The following KIAA1217 variants were observed in gnomAD, a reference collection of about 807,000 sequenced individuals.
The protein encoded by KIAA1217 is KIAA1217, also known as sickle tail protein homolog.
KIAA1217 carries 88 observed loss-of-function variants against 163.9 expected under a neutral mutation model. The observed-to-expected ratio is 0.54, with a 90% CI of 0.45 to 0.64. KIAA1217 has a LOEUF of 0.64. Ranked by LOEUF, KIAA1217 falls within the 30% of genes least tolerant of loss-of-function variation. KIAA1217 has a pLI of 0.00. For missense variants in KIAA1217, 2,372 were observed against 2,475.0 expected (o/e 0.96, Z 0.88); for synonymous variants, 903 against 923.1 (o/e 0.98, Z 0.39).
At chr10:24,526,101 G>A (rs2072112931) in intron 13 of KIAA1217, among the ~76,000 whole-genome samples, 1 of 151,940 alleles carries the variant, frequency 6.6e-6, no homozygotes, top group Admixed American at 6.6e-5. Flanking sequence ...TTTTCTTCTT[G>A]CCTCGTAACT....
chr10:24,409,557 C>G (rs1185596115), intron 3 of KIAA1217, among the ~76,000 whole-genome samples: 1 of 152,170 alleles, frequency 6.6e-6, no homozygotes, highest in Non-Finnish European at 1.5e-5. Flanking sequence ...TATATCAAAA[C>G]TTACCAAATT....
intron 1 of KIAA1217, among the ~76,000 whole-genome samples, chr10:23,981,351 T>G (rs1845758412): frequency 6.6e-6 from 1 of 152,204 alleles, no homozygotes; most frequent in Non-Finnish European, 1.5e-5. Context: ...AACCACAATT[T>G]TACCTTTAGA....
intron 10 of KIAA1217, among the ~76,000 whole-genome samples, chr10:24,514,645 C>G (rs2069749827): frequency 6.6e-6 from 1 of 152,136 alleles, no homozygotes; most frequent in Non-Finnish European, 1.5e-5. Context: ...TTTGTGACAG[C>G]CCAATTATCT....
At chr10:23,833,405 C>T (rs1356227322) in intron 1 of KIAA1217, among the ~76,000 whole-genome samples, 1 of 151,708 alleles carries the variant, frequency 6.6e-6, no homozygotes, top group African/African-American at 2.4e-5. Flanking sequence ...ATTGCTTGAA[C>T]CCAGGAGATG....
At chr10:24,245,837 T>C (rs1047962926) in intron 2 of KIAA1217, among the ~76,000 whole-genome samples, 4 of 151,900 alleles carry the variant, frequency 2.6e-5, no homozygotes, top group Non-Finnish European at 5.9e-5. Flanking sequence ...AGGGTCTCAC[T>C]TTGTTACTTA....
In KIAA1217 at chr10:24,212,958, T is replaced by A. The variant is rs1472767667; in HGVS notation, c.70+3695T>A. On this transcript the variant is annotated intron_variant, in intron 1 of 20. Transcript: ENST00000376454. The stretch of plus-strand genomic sequence containing the variant: ...TTTGAGTTTATTATCCTGCTATAGA[T>A]AAGGATCCCTAGGGTGATCATGTAA... Among the ~76,000 whole-genome samples the A allele has an allele frequency of 2.0e-5, 3 of 152,152 alleles. No homozygotes were observed. The East Asian group carries it at 5.8e-4, about 29-fold the overall frequency.
chr10:24,450,129 T>A (rs76969263), intron 5 of KIAA1217, among the ~76,000 whole-genome samples: 12,838 of 152,240 alleles, frequency 0.084, 681 homozygotes, highest in East Asian at 0.17. Context: ...TTTCATGAAG[T>A]TGTTGACATA....
At chr10:24,488,141 T>C (rs2065641082) in intron 6 of KIAA1217, among the ~76,000 whole-genome samples, 1 of 152,166 alleles carries the variant, frequency 6.6e-6, no homozygotes, top group African/African-American at 2.4e-5. Context: ...TCTTGGAGTT[T>C]CAGATCTAGA....
intron 2 of KIAA1217, among the ~76,000 whole-genome samples, chr10:24,141,225 A>AACCCCCCCCC (rs796365302): frequency 3.9e-5 from 3 of 76,258 alleles, no homozygotes; most frequent in Non-Finnish European, 5.3e-5. Context: ...GAAAGAATAA[A>AACCCCCCCCC]CCCCCCCCCC....
chr10:24,312,022 T>C (rs946428803), intron 2 of KIAA1217, among the ~76,000 whole-genome samples: 5 of 152,018 alleles, frequency 3.3e-5, no homozygotes, highest in African/African-American at 1.2e-4. Flanking sequence ...CCTGTGCTGG[T>C]GTTAGATTCT....
At chr10:23,830,799 G>A (rs186808944) in intron 1 of KIAA1217, among the ~76,000 whole-genome samples, 114 of 147,210 alleles carry the variant, frequency 7.7e-4, no homozygotes, top group Non-Finnish European at 9.5e-4. Context: ...ATAGATAGGT[G>A]ATAGAGATAG....
chr10:24,519,375 C>G (rs919628767), intron 10 of KIAA1217, among the ~76,000 whole-genome samples: 4 of 152,202 alleles, frequency 2.6e-5, no homozygotes, highest in Non-Finnish European at 4.4e-5. Flanking sequence ...ACAGACACCA[C>G]GTCTGTCGTC....
chr10:24,303,989 T>C (rs2041690913), intron 2 of KIAA1217, among the ~76,000 whole-genome samples: 1 of 151,780 alleles, frequency 6.6e-6, no homozygotes, highest in Non-Finnish European at 1.5e-5. Flanking sequence ...CTGACAGGAG[T>C]TTTAGAAATG....
chr10:23,740,451 C>T (rs527644653), intron 1 of KIAA1217, among the ~76,000 whole-genome samples: 1 of 152,212 alleles, frequency 6.6e-6, no homozygotes, highest in African/African-American at 2.4e-5. Flanking sequence ...CTCAAGCTCC[C>T]GGGCTTAAGC....
At chr10:24,209,416 C>T (rs950191311) in intron 1 of KIAA1217, among the ~76,000 whole-genome samples, 153 bp downstream of exon 1, 1 of 150,856 alleles carries the variant, frequency 6.6e-6, no homozygotes, top group African/African-American at 2.4e-5. Context: ...CTGAGTAGAG[C>T]ATAGAGAACT....
chr10:24,087,887 T>C (rs1350216790), intron 2 of KIAA1217, among the ~76,000 whole-genome samples: 1 of 152,050 alleles, frequency 6.6e-6, no homozygotes, highest in Non-Finnish European at 1.5e-5. Flanking sequence ...TCGTGGATTT[T>C]CTCTTTATGC....
At position 23,842,454 on chromosome 10, in the gene KIAA1217, C is replaced by T. The variant is rs141639218; in HGVS notation, c.-321+147220C>T. Among the ~76,000 whole-genome samples, 43 of 152,198 alleles carry T rather than the reference C, an allele frequency of 2.8e-4. 1 individual carries two copies. Among genetic ancestry groups the T allele is most frequent in the African/African-American group, 7.5e-4 (31 of 41,526 alleles). On this transcript the variant is annotated intron_variant, in intron 1 of 18. Transcript: ENST00000376462. ...CAAAACAGGTGGTGGTGATATGGAG[C>T]GAGTGCTGGGTAGACAAGATAACCA...
chr10:23,964,630 A>G (rs11013816), intron 1 of KIAA1217, among the ~76,000 whole-genome samples: 28,949 of 151,608 alleles, frequency 0.19, 3,076 homozygotes, highest in Middle Eastern at 0.27. Flanking sequence ...ATCTCGGCTC[A>G]CTGCAACCGC....
At chr10:24,203,686 T>C (rs545955762) in intron 2 of KIAA1217, among the ~76,000 whole-genome samples, 73 of 152,240 alleles carry the variant, frequency 4.8e-4, no homozygotes, top group Middle Eastern at 3.4e-3. Flanking sequence ...AATGAGGCAC[T>C]GTGGGTAAAG....
Sources: gnomAD v4.1 joint callset for allele counts (sites outside exome capture counted in the v4.1 genomes callset) on GRCh38, gnomAD v4.1.1 for gene constraint, MANE v1.5 for transcripts, NCBI Gene and HGNC (gene_info 2026-07-23, HGNC 2026-07-21) for gene names.